The following TJP3 variants were observed in gnomAD, a reference collection of about 807,000 sequenced individuals.
TJP3 encodes the protein tight junction protein ZO-3.
TJP3 carries 85 observed loss-of-function variants against 104.2 expected under a neutral mutation model. The observed-to-expected ratio is 0.82, with a 90% CI of 0.68 to 0.98. The LOEUF (loss-of-function observed/expected upper bound fraction) is 0.98, where lower values mean the gene tolerates loss of function less well. Among genes scored for constraint, TJP3 ranks in the 50% least tolerant of loss-of-function variants. The pLI, the probability that TJP3 is intolerant of heterozygous loss-of-function variation, is 0.00. For synonymous variants in TJP3, 550 were observed against 550.6 expected (o/e 1.00, Z 0.02); for missense variants, 1,367 against 1,322.8 (o/e 1.03, Z -0.52).
chr19:3,723,506 A>C (rs1452349129), intron 1 of TJP3, among the ~76,000 whole-genome samples: 1 of 152,050 alleles, frequency 6.6e-6, no homozygotes, highest in Admixed American at 6.6e-5. Flanking sequence ...AAAATAATAA[A>C]ACAGGCTGGG....
At chr19:3,722,510 T>TATTAACAGGC (rs2036551081) in intron 1 of TJP3, among the ~76,000 whole-genome samples, 1 of 147,398 alleles carries the variant, frequency 6.8e-6, no homozygotes, top group South Asian at 2.1e-4. Flanking sequence ...TGTACAAAGC[T>TATTAACAGGC]ATTAACAGGC....
intron 1 of TJP3, among the ~76,000 whole-genome samples, chr19:3,717,457 T>C (rs1244967891): frequency 6.7e-6 from 1 of 149,972 alleles, no homozygotes; most frequent in East Asian, 2.0e-4. Context: ...AACATAGTGT[T>C]GTGCTGTCTG....
At position 3,730,762 on chromosome 19, in the gene TJP3, C is replaced by T. The variant is rs537581126; in HGVS notation, c.613+56C>T. ...AGTACTGGACACAGGGCACCGTGGT[C>T]GGATGGGCGACGGTTTCAAGTGATT... On this transcript the variant is annotated intron_variant, in intron 5 of 20. Coordinates refer to ENST00000541714, the MANE Select transcript of TJP3 (RefSeq NM_001267560.2). The surrounding 1 kb of genome is among the most constrained non-coding windows in gnomAD (Gnocchi z 7.3). 1.8e-5 allele frequency: 28 copies of T among 1,515,834 alleles called. No homozygotes were observed. In the East Asian group the frequency reaches 2.6e-4, roughly 14 times the overall value. 93.9% of individuals were successfully genotyped at this position (1,515,834 alleles called of 1,614,324 possible).
intron 12 of TJP3, 108 bp from the exon 13 acceptor site, chr19:3,738,789 C>A: frequency 1.5e-6 from 2 of 1,318,332 alleles, no homozygotes; most frequent in Non-Finnish European, 2.1e-6. Context: ...TCTCCCTGGC[C>A]CCTACAGGGA....
rs540378776 is a variant in TJP3 at position 3,739,190 on chromosome 19, G to T, written c.1631+56G>T. On this transcript the variant is annotated intron_variant, in intron 13 of 20. Coordinates refer to ENST00000541714, the MANE Select transcript of TJP3 (RefSeq NM_001267560.2). The stretch of plus-strand genomic sequence containing the variant: ...CTTCTGCTTCAGCCTCAGTCTCCCC[G>T]TTAGAAATGGGCTCGATTGGGCTGG... 2.6e-5 allele frequency: 37 copies of T among 1,449,234 alleles called. No homozygotes were observed. The African/African-American group carries it at 4.1e-4, about 16-fold the overall frequency. 89.8% of individuals were successfully genotyped at this position (1,449,234 alleles called of 1,614,324 possible).
In TJP3 at chr19:3,733,766, C is replaced by G; in HGVS notation, c.731C>G (p.Ser244Cys). 6.2e-7 allele frequency: 1 copy of G among 1,614,180 alleles called. No homozygotes were observed. The highest frequency in any genetic ancestry group is 1.1e-5 in the South Asian group (1 of 91,082). The change falls in exon 7 of 21, where the codon TCT (serine) becomes TGT (cysteine). Residue 244 changes from serine (S) to cysteine (C), a missense_variant. By Grantham distance (112) the Ser-to-Cys change is moderately radical. Coordinates refer to ENST00000541714, the MANE Select transcript of TJP3 (RefSeq NM_001267560.2). ...GGTCCCTTTCAGATCAACGGGGTGT[C>G]TAGCCAGAACCTGTCACTGAACGAC... ...GDLILQINGV[S>C]SQNLSLNDTR... is the part of the protein sequence containing the mutation.
intron 8 of TJP3, among the ~76,000 whole-genome samples, chr19:3,735,339 A>G (rs1483698599): frequency 1.3e-5 from 2 of 151,866 alleles, no homozygotes; most frequent in African/African-American, 4.8e-5. Context: ...AGCTGGGATT[A>G]CAGGCGCCCA....
chr19:3,745,866 A>G (rs2036880148), intron 15 of TJP3, 145 bp from the exon 16 acceptor site: 2 of 673,500 alleles, frequency 3.0e-6, no homozygotes, highest in South Asian at 1.9e-5. Context: ...CTTGGCCAAC[A>G]TGAGTTTCTG....
rs746907809 is a variant in TJP3, at chr19:3,747,860, C to T, written c.2389C>T (p.Leu797Phe). The change falls in exon 19 of 21, where the codon CTC becomes TTC. Residue 797 changes from leucine (L) to phenylalanine (F), a missense_variant. By Grantham distance (22) the Leu-to-Phe change is conservative. Transcript: ENST00000541714. ...HHGLADSSAD[L>F]SCDSRVNSDY... The stretch of plus-strand genomic sequence containing the variant: ...CGGCCTGGCCGACAGCTCCGCTGAC[C>T]TCAGCTGCGACAGCCGCGTTAACAG... 7.4e-6 allele frequency: 12 copies of T among 1,612,254 alleles called. No homozygotes were observed. The highest frequency in any genetic ancestry group is 1.0e-5 in the Non-Finnish European group (12 of 1,179,822).
At chr19:3,745,817 G>C (rs2036879665) in intron 15 of TJP3, among the ~76,000 whole-genome samples, 194 bp from the exon 16 acceptor site, 1 of 152,208 alleles carries the variant, frequency 6.6e-6, no homozygotes, top group Admixed American at 6.5e-5. Flanking sequence ...AGGAGGAGGG[G>C]GCTGAGGTCA....
chr19:3,740,371 G>C (rs1319382104), intron 13 of TJP3, among the ~76,000 whole-genome samples, 181 bp from the exon 14 acceptor site: 2 of 152,186 alleles, frequency 1.3e-5, no homozygotes, highest in Non-Finnish European at 2.9e-5. Flanking sequence ...CTGAGTGACA[G>C]AGCAAGACTT....
At chr19:3,714,132 C>G (rs2036456660) in intron 1 of TJP3, among the ~76,000 whole-genome samples, 1 of 152,020 alleles carries the variant, frequency 6.6e-6, no homozygotes, top group African/African-American at 2.4e-5. Context: ...CTCACTGCAA[C>G]CTCTGCCTCC....
At position 3,746,061 on chromosome 19, in the gene TJP3, G is replaced by A. The variant is rs372340881; in HGVS notation, c.1990G>A (p.Val664Met). The A allele has an allele frequency of 2.4e-5, 39 of 1,609,806 alleles. No homozygotes were observed. Among genetic ancestry groups the A allele is most frequent in the South Asian group, 2.3e-4 (21 of 90,140 alleles). The change falls in exon 16 of 21, where the codon GTG becomes ATG. Residue 664 changes from valine to methionine, a missense_variant. Val to Met is a conservative substitution (Grantham distance 21). Coordinates refer to ENST00000541714, the MANE Select transcript of TJP3 (RefSeq NM_001267560.2). This position sits in a 1 kb window ranked among gnomAD's most constrained non-coding sequence, Gnocchi z 4.1. ...SPSKIIKLDT[V>M]RVIAEKDKHA... The stretch of plus-strand genomic sequence containing the variant: ...CTCCAAGATCATCAAACTAGACACC[G>A]TGCGGGTGATTGCAGAAAAAGTAAG...
rs1568377596 is a variant in TJP3 at position 3,717,247 on chromosome 19, G to GTA, written c.-10+8686_-10+8687insTA. 7.5e-5 allele frequency among the ~76,000 whole-genome samples: 11 copies of GTA among 145,902 alleles called. 2 individuals are homozygous for GTA. Among genetic ancestry groups the GTA allele is most frequent in the East Asian group, 2.0e-4 (1 of 5,050 alleles). On this transcript the variant is annotated intron_variant, in intron 1 of 20. Transcript: ENST00000541714. ...CCCAAAGTGCTGGGATTACAGGCAC[G>GTA]AGCCACCACGCCTGGCCCATGACTG...
intron 18 of TJP3, 149 bp downstream of exon 18, chr19:3,747,025 T>C: frequency 1.4e-6 from 1 of 735,120 alleles, no homozygotes. Context: ...GACAAGGGTG[T>C]TGGACTGGAA....
Position 3,720,901 on chromosome 19 carries a change from C to CTTTTTTTTT in TJP3, c.-9-7512_-9-7504dup, listed in dbSNP as rs370206267. On this transcript the variant is annotated intron_variant, in intron 1 of 20. Coordinates refer to ENST00000541714, the MANE Select transcript of TJP3 (RefSeq NM_001267560.2). ...TTCCCTTCTTTCCTTCCTTCCTTTT[C>CTTTTTTTTT]TTTTTTTTTTTTTTTTTTTGAGACA... 1.9e-4 allele frequency among the ~76,000 whole-genome samples: 22 copies of CTTTTTTTTT among 114,324 alleles called. 1 individual carries two copies. Among genetic ancestry groups the CTTTTTTTTT allele is most frequent in the Non-Finnish European group, 3.3e-4 (19 of 58,132 alleles). The allele number at this position is 114,324 out of a possible 152,430, so 75.0% of individuals were successfully genotyped here.
intron 1 of TJP3, among the ~76,000 whole-genome samples, chr19:3,725,447 G>T (rs960537465): frequency 6.6e-6 from 1 of 152,094 alleles, no homozygotes; most frequent in Non-Finnish European, 1.5e-5. Context: ...CTCTGAGGAT[G>T]AAATGAATGG....
intron 1 of TJP3, among the ~76,000 whole-genome samples, chr19:3,727,463 A>G (rs1329463035): frequency 6.7e-6 from 1 of 149,324 alleles, no homozygotes; most frequent in East Asian, 2.0e-4. Flanking sequence ...AGCCTGGGCA[A>G]CAAGAGCGAA....
Position 3,720,904 on chromosome 19 carries a change from T to TTTC in TJP3, c.-9-7518_-9-7517insCTT, listed in dbSNP as rs1555737406. Among the ~76,000 whole-genome samples, 20 of 132,868 alleles carry TTTC rather than the reference T, an allele frequency of 1.5e-4. No homozygotes were observed. The East Asian group carries it at 3.9e-3, about 26-fold the overall frequency. 87.2% of individuals were successfully genotyped at this position (132,868 alleles called of 152,430 possible). ...CCTTCTTTCCTTCCTTCCTTTTCTT[T>TTTC]TTTTTTTTTTTTTTTTGAGACAGGG... On this transcript the variant is annotated intron_variant, in intron 1 of 20. Coordinates refer to ENST00000541714, the MANE Select transcript of TJP3 (RefSeq NM_001267560.2).
Sources: allele counts gnomAD v4.1 joint callset (sites outside exome capture counted in the v4.1 genomes callset), GRCh38; gene constraint gnomAD v4.1.1; non-coding constraint Gnocchi (gnomAD v3.1); transcripts MANE v1.5; gene names NCBI Gene and HGNC (gene_info 2026-07-23, HGNC 2026-07-21).